LPP: variants seen among roughly 807,000 people sequenced by gnomAD.
The protein encoded by LPP is LIM domain containing preferred translocation partner in lipoma, also known as lipoma-preferred partner.
In LPP, 38 loss-of-function variants were observed where a neutral mutation model predicts 60.4. The observed-to-expected ratio is 0.63, with a 90% CI of 0.49 to 0.83. The LOEUF is 0.83. LPP is among the 40% of genes least tolerant of loss of function. The pLI, the probability that LPP is intolerant of heterozygous loss-of-function variation, is 0.00. For synonymous variants in LPP, 328 were observed against 290.8 expected, an observed-to-expected ratio of 1.13 and a Z score of -1.30; for missense variants, 902 against 783.6, an observed-to-expected ratio of 1.15 and a Z score of -1.80.
chr3:188,370,739 C>T (rs983616767), intron 3 of LPP, among the ~76,000 whole-genome samples: 1 of 152,016 alleles, frequency 6.6e-6, no homozygotes, highest in African/African-American at 2.4e-5. Flanking sequence ...GCTGGGAAAG[C>T]CATTTGAGGA....
chr3:188,424,959 T>C (rs1183075350), intron 4 of LPP, among the ~76,000 whole-genome samples: 1 of 152,224 alleles, frequency 6.6e-6, no homozygotes, highest in East Asian at 1.9e-4. Context: ...CTGATTGCCC[T>C]GACCAGAACT....
At chr3:188,154,047 G>A (rs1222694802), upstream of LPP, 1 of 157,524 alleles carries the variant, frequency 6.3e-6, no homozygotes, top group Non-Finnish European at 1.4e-5. Flanking sequence ...ACGGCCCGGG[G>A]CGCGGGGCGT....
intron 4 of LPP, among the ~76,000 whole-genome samples, chr3:188,467,160 C>T (rs1380903758): frequency 6.6e-6 from 1 of 151,896 alleles, no homozygotes; most frequent in Non-Finnish European, 1.5e-5. Context: ...GCAATCTTAA[C>T]TCAGACTTGC....
chr3:188,792,614 G>C (rs564615366), intron 9 of LPP, among the ~76,000 whole-genome samples: 1 of 151,804 alleles, frequency 6.6e-6, no homozygotes, highest in Non-Finnish European at 1.5e-5. Context: ...TTGTTTTTTT[G>C]GTTTTTTTTC....
chr3:188,791,520 C>T (rs1743745891), intron 9 of LPP, among the ~76,000 whole-genome samples: 2 of 151,842 alleles, frequency 1.3e-5, no homozygotes, highest in Middle Eastern at 3.4e-3. Context: ...AATTAAGTGA[C>T]TGAGATGAAA....
intron 7 of LPP, among the ~76,000 whole-genome samples, chr3:188,677,323 A>G (rs1007177834): frequency 1.5e-4 from 23 of 152,304 alleles, no homozygotes; most frequent in Admixed American, 9.1e-4. Flanking sequence ...CGTTTTCTAC[A>G]TAATAGTTAC....
chr3:188,176,285 T>C (rs1388420953), intron 1 of LPP, among the ~76,000 whole-genome samples: 1 of 152,110 alleles, frequency 6.6e-6, no homozygotes, highest in African/African-American at 2.4e-5. Context: ...TAGTTCAACT[T>C]CTGGGATTTC....
At chr3:188,843,111 T>C (rs1469230508) in intron 9 of LPP, among the ~76,000 whole-genome samples, 1 of 152,234 alleles carries the variant, frequency 6.6e-6, no homozygotes, top group Non-Finnish European at 1.5e-5. Context: ...TTTACCCATT[T>C]TTCTTTTTTA....
At chr3:188,245,470 A>G (rs1726588700) in intron 2 of LPP, among the ~76,000 whole-genome samples, 1 of 152,170 alleles carries the variant, frequency 6.6e-6, no homozygotes, top group South Asian at 2.1e-4. Flanking sequence ...GCCCAGAGCC[A>G]TTAGCAGAGA....
At chr3:188,339,914 T>G (rs1450719015) in intron 2 of LPP, among the ~76,000 whole-genome samples, 1 of 152,214 alleles carries the variant, frequency 6.6e-6, no homozygotes, top group Admixed American at 6.5e-5. Flanking sequence ...AAACACTCCT[T>G]TTGCCTTAGC....
At chr3:188,531,243 T>C (rs1822103905) in intron 6 of LPP, among the ~76,000 whole-genome samples, 1 of 152,190 alleles carries the variant, frequency 6.6e-6, no homozygotes, top group East Asian at 1.9e-4. Flanking sequence ...AAATAATATA[T>C]AAATATATTT....
At chr3:188,169,703 A>G (rs1052199366) in intron 1 of LPP, among the ~76,000 whole-genome samples, 3 of 152,108 alleles carry the variant, frequency 2.0e-5, no homozygotes, top group African/African-American at 7.2e-5. Flanking sequence ...GCACCCCACT[A>G]CTACCCTTTG....
At chr3:188,849,815 T>A (rs140534982) in intron 9 of LPP, among the ~76,000 whole-genome samples, 6 of 152,362 alleles carry the variant, frequency 3.9e-5, no homozygotes, top group African/African-American at 1.4e-4. Context: ...GGTAGATATC[T>A]AATGGTACAG....
chr3:188,848,255 G>A (rs1761947069), intron 9 of LPP, among the ~76,000 whole-genome samples: 1 of 152,282 alleles, frequency 6.6e-6, no homozygotes, highest in East Asian at 1.9e-4. Context: ...AAAACCATAA[G>A]AGCCTCGAGT....
chr3:188,187,913 T>TC (rs1301771458), intron 1 of LPP, among the ~76,000 whole-genome samples: 1 of 152,162 alleles, frequency 6.6e-6, no homozygotes, highest in African/African-American at 2.4e-5. Flanking sequence ...TTCTTTTTTT[T>TC]CTCTACTGAA....
Position 188,872,720 on chromosome 3 carries a change from T to C in LPP, c.1667T>C (p.Val556Ala), listed in dbSNP as rs1360000402. The change falls in exon 11 of 12, where the codon GTG (valine) becomes GCG (alanine). Residue 556 changes from valine (V) to alanine (A), a missense_variant. Coordinates refer to ENST00000617246, the MANE Select transcript of LPP (RefSeq NM_001375462.1). The stretch of plus-strand genomic sequence containing the variant: ...GGCCAGGAGGAGACTGTCCGTATTG[T>C]GGCTTTGGATCGAGATTTCCATGTT... ...APGQEETVRI[V>A]ALDRDFHVHC... is the part of the protein sequence containing the mutation. 6.8e-6 allele frequency: 11 copies of C among 1,614,200 alleles called. No homozygotes were observed. The South Asian group carries it at 1.1e-4, about 16-fold the overall frequency.
chr3:188,445,078 G>A (rs1487698030), intron 4 of LPP, among the ~76,000 whole-genome samples: 1 of 152,170 alleles, frequency 6.6e-6, no homozygotes, highest in Admixed American at 6.5e-5. Context: ...AGACAGTCTG[G>A]TCATTCCTCA....
chr3:188,205,889 A>T (rs1733066770), intron 1 of LPP, among the ~76,000 whole-genome samples: 3 of 152,228 alleles, frequency 2.0e-5, no homozygotes, highest in Admixed American at 2.0e-4. Context: ...GCTAGAGCCA[A>T]CCTGAGTCGC....
chr3:188,872,647 T>C lies in LPP; in HGVS notation c.1594T>C (p.Phe532Leu). The change falls in exon 11 of 12, where the codon TTT (phenylalanine) becomes CTT (leucine). Residue 532 changes from phenylalanine to leucine, a missense_variant. By Grantham distance (22) the Phe-to-Leu change is conservative. Transcript: ENST00000617246. ...IHCIEDFHKK[F>L]APRCSVCKEP... is the part of the protein sequence containing the mutation. ...GAACTCTCTCTTCACTTTCAGGAAA[T>C]TTGCCCCGCGATGTTCTGTGTGCAA... 2 of 1,614,068 alleles carry C rather than the reference T, an allele frequency of 1.2e-6. No individual in the cohort carries two copies. Among genetic ancestry groups the C allele is most frequent in the East Asian group, 2.2e-5 (1 of 44,868 alleles).
Sources: gnomAD v4.1 joint callset for allele counts (sites outside exome capture counted in the v4.1 genomes callset) on GRCh38, gnomAD v4.1.1 for gene constraint, MANE v1.5 for transcripts, NCBI Gene and HGNC (gene_info 2026-07-23, HGNC 2026-07-21) for gene names.